TRDN: variants seen among roughly 807,000 people sequenced by gnomAD.
TRDN encodes the protein triadin.
In TRDN, 161 loss-of-function variants were observed where a neutral mutation model predicts 149.7. That is an observed-to-expected ratio of 1.08 (90% CI 0.95 to 1.23). The LOEUF (loss-of-function observed/expected upper bound fraction) is 1.23. Among genes scored for constraint, TRDN ranks in the 50% most tolerant of loss-of-function variants. The pLI is 0.00. For missense variants in TRDN, 896 were observed against 823.5 expected, an observed-to-expected ratio of 1.09 and a Z score of -1.08; for synonymous variants, 294 against 250.5, an observed-to-expected ratio of 1.17 and a Z score of -1.64.
At chr6:123,539,107 T>C (rs76695066) in intron 4 of TRDN, among the ~76,000 whole-genome samples, 2,749 of 152,284 alleles carry the variant, frequency 0.018, 38 homozygotes, top group Non-Finnish European at 0.028. Flanking sequence ...ACTACTCAAA[T>C]GTTATTAATT....
At chr6:123,219,837 G>C (rs779986743) in intron 40 of TRDN, among the ~76,000 whole-genome samples, 42 of 151,894 alleles carry the variant, frequency 2.8e-4, no homozygotes, top group Non-Finnish European at 4.4e-4. Context: ...CTACAAGAGG[G>C]ACAGTAGTAA....
At chr6:123,599,048 A>T (rs1461515150) in intron 1 of TRDN, among the ~76,000 whole-genome samples, 1 of 152,080 alleles carries the variant, frequency 6.6e-6, no homozygotes, top group East Asian at 1.9e-4. Flanking sequence ...TCATAGGATG[A>T]TCATAAAAAA....
intron 10 of TRDN, among the ~76,000 whole-genome samples, chr6:123,443,795 G>A (rs1487565116): frequency 2.0e-5 from 3 of 148,160 alleles, no homozygotes; most frequent in South Asian, 2.1e-4. Context: ...CCCATTGCTT[G>A]TTTTTCTCAG....
intron 9 of TRDN, among the ~76,000 whole-genome samples, chr6:123,487,070 A>C (rs995260354): frequency 1.3e-5 from 2 of 152,002 alleles, no homozygotes; most frequent in African/African-American, 4.8e-5. Context: ...TACTTGTAAT[A>C]GTCATTATAT....
At chr6:123,263,159 T>A (rs1353024840) in intron 33 of TRDN, among the ~76,000 whole-genome samples, 1 of 152,064 alleles carries the variant, frequency 6.6e-6, no homozygotes, top group Admixed American at 6.6e-5. Context: ...AAAGTGTTAC[T>A]CCAGTGACCA....
chr6:123,292,902 T>A (rs990830694), intron 24 of TRDN, among the ~76,000 whole-genome samples: 2 of 152,162 alleles, frequency 1.3e-5, no homozygotes, highest in Non-Finnish European at 2.9e-5. Context: ...AATACTTCCT[T>A]TGTATCACTT....
At chr6:123,512,413 C>A (rs923285459) in intron 6 of TRDN, 51 bp from the exon 7 acceptor site, 18 of 1,137,518 alleles carry the variant, frequency 1.6e-5, no homozygotes, top group Non-Finnish European at 2.3e-5. Context: ...ATTTCAAAAC[C>A]AAGCTTTCTT....
intron 23 of TRDN, among the ~76,000 whole-genome samples, 169 bp from the exon 24 acceptor site, chr6:123,316,664 A>G (rs921992084): frequency 6.6e-6 from 1 of 151,876 alleles, no homozygotes; most frequent in Non-Finnish European, 1.5e-5. Context: ...TGGAATATGT[A>G]TCTTTGGTAA....
At chr6:123,499,932 T>C (rs981091516) in intron 8 of TRDN, among the ~76,000 whole-genome samples, 1 of 150,970 alleles carries the variant, frequency 6.6e-6, no homozygotes, top group Non-Finnish European at 1.5e-5. Flanking sequence ...CAAATATTAG[T>C]CCCTTTTATA....
chr6:123,375,530 C>G (rs373869083), intron 19 of TRDN, 75 bp downstream of exon 19: 18 of 1,278,852 alleles, frequency 1.4e-5, no homozygotes, highest in Non-Finnish European at 1.9e-5. Context: ...TTAGCATTAG[C>G]ATAGTCTATA....
At chr6:123,445,367 A>G (rs1190245921) in intron 10 of TRDN, among the ~76,000 whole-genome samples, 2 of 139,240 alleles carry the variant, frequency 1.4e-5, no homozygotes, top group Non-Finnish European at 3.0e-5. Flanking sequence ...AATGGCAACA[A>G]AAGACAAAAT....
At chr6:123,619,348 T>C (rs1237650948) in intron 1 of TRDN, among the ~76,000 whole-genome samples, 2 of 152,186 alleles carry the variant, frequency 1.3e-5, no homozygotes, top group African/African-American at 4.8e-5. Flanking sequence ...AGATGACTCA[T>C]TCACATTGCT....
intron 24 of TRDN, among the ~76,000 whole-genome samples, chr6:123,297,508 A>G (rs1778246299): frequency 6.6e-6 from 1 of 152,054 alleles, no homozygotes; most frequent in Non-Finnish European, 1.5e-5. Flanking sequence ...TACTGACATT[A>G]TACAATGATT....
intron 38 of TRDN, among the ~76,000 whole-genome samples, chr6:123,236,174 GT>G (rs1297564641): frequency 6.6e-6 from 1 of 152,018 alleles, no homozygotes; most frequent in Non-Finnish European, 1.5e-5. Context: ...ACTTGTTTTT[GT>G]TTTTCCATGT....
intron 24 of TRDN, among the ~76,000 whole-genome samples, chr6:123,290,042 C>A (rs1255914311): frequency 1.3e-5 from 2 of 152,098 alleles, no homozygotes; most frequent in Non-Finnish European, 2.9e-5. Context: ...TGGAAAGTTT[C>A]CCACAGTGGC....
At position 123,331,880 on chromosome 6, in the gene TRDN, T is replaced by C. The variant is rs1333031202; in HGVS notation, c.1470A>G (p.Lys490=). The change falls in exon 23 of 41, where the codon AAA becomes AAG. Residue 490 remains lysine, a splice_region_variant and synonymous_variant. Transcript: ENST00000334268. ...EEKVPASLKE[K]EPETKKDEKM... Reference sequence around the variant, plus strand: ...TCACATTTCATTGTATAATATTACCTTTTTCCTTTAGGGAAGCTGGAACTT... The same window carrying C: ...TCACATTTCATTGTATAATATTACCCTTTTCCTTTAGGGAAGCTGGAACTT... 1 of 1,538,538 alleles carries C rather than the reference T, an allele frequency of 6.5e-7. No homozygotes were observed. The highest frequency in any genetic ancestry group is 8.8e-7 in the Non-Finnish European group (1 of 1,138,576).
chr6:123,609,396 A>G (rs373923232), intron 1 of TRDN, among the ~76,000 whole-genome samples: 1 of 152,164 alleles, frequency 6.6e-6, no homozygotes, highest in Non-Finnish European at 1.5e-5. Flanking sequence ...CATACATGTG[A>G]AAAGAAATTA....
intron 24 of TRDN, among the ~76,000 whole-genome samples, chr6:123,315,162 T>G (rs1778978770): frequency 6.6e-6 from 1 of 151,946 alleles, no homozygotes; most frequent in African/African-American, 2.4e-5. Context: ...TAATGCACCT[T>G]TTATCTGATT....
chr6:123,468,235 A>T (rs1257865522), intron 9 of TRDN, among the ~76,000 whole-genome samples: 1 of 152,182 alleles, frequency 6.6e-6, no homozygotes, highest in Non-Finnish European at 1.5e-5. Flanking sequence ...TTCTTTTGGA[A>T]TTCCTGAAGA....
Sources: gnomAD v4.1 joint callset for allele counts (sites outside exome capture counted in the v4.1 genomes callset) on GRCh38, gnomAD v4.1.1 for gene constraint, MANE v1.5 for transcripts, NCBI Gene and HGNC (gene_info 2026-07-23, HGNC 2026-07-21) for gene names.